The following PYGB variants were observed in gnomAD, a reference collection of about 807,000 sequenced individuals.
PYGB encodes glycogen phosphorylase B.
A neutral mutation model predicts 94.3 loss-of-function variants in PYGB; 82 were observed. The observed-to-expected ratio is 0.87, with a 90% CI of 0.73 to 1.04. The LOEUF (loss-of-function observed/expected upper bound fraction) is 1.04, where lower values mean the gene tolerates loss of function less well. Ranked by LOEUF, PYGB falls within the 50% of genes least tolerant of loss-of-function variation. The pLI is 0.00. For synonymous variants in PYGB, 488 were observed against 479.1 expected, an observed-to-expected ratio of 1.02 and a Z score of -0.24; for missense variants, 1,132 against 1,158.2, an observed-to-expected ratio of 0.98 and a Z score of 0.33.
At chr20:25,279,224 C>A in intron 9 of PYGB, 75 bp downstream of exon 9, 1 of 1,454,286 alleles carries the variant, frequency 6.9e-7, no homozygotes, top group South Asian at 1.2e-5. Context: ...AGGAGCTGAG[C>A]TGGGGGGCCT....
At chr20:25,263,290 C>T (rs1370660248) in intron 2 of PYGB, among the ~76,000 whole-genome samples, 2 of 152,188 alleles carry the variant, frequency 1.3e-5, no homozygotes, top group Admixed American at 1.3e-4. Context: ...TGCAATCAAA[C>T]TAGAACTCAG....
chr20:25,261,319 C>A (rs1451885246), intron 2 of PYGB, among the ~76,000 whole-genome samples: 1 of 152,224 alleles, frequency 6.6e-6, no homozygotes, highest in Non-Finnish European at 1.5e-5. Flanking sequence ...GTTTGCTGTT[C>A]TGCAGTATTC....
chr20:25,271,249 A>G (rs2123549320), intron 3 of PYGB, 134 bp from the exon 4 acceptor site: 1 of 766,060 alleles, frequency 1.3e-6, no homozygotes, highest in East Asian at 2.5e-5. Flanking sequence ...TGAGGGCTCC[A>G]GTTTTCCTCT....
chr20:25,264,635 GACAA>G (rs1284363838), intron 2 of PYGB, among the ~76,000 whole-genome samples: 4 of 152,122 alleles, frequency 2.6e-5, no homozygotes, highest in Admixed American at 6.5e-5. Context: ...CCAATAAACA[GACAA>G]ACAGAGGGCC....
At chr20:25,277,529 C>T (rs1171185596) in intron 7 of PYGB, among the ~76,000 whole-genome samples, 3 of 152,172 alleles carry the variant, frequency 2.0e-5, no homozygotes, top group African/African-American at 7.2e-5. Flanking sequence ...AGCGGCTCTT[C>T]GTGTGCCTCT....
Position 25,276,693 on chromosome 20 carries a change from C to T in PYGB, c.708C>T (p.Asn236=), listed in dbSNP as rs200036828. The T allele has an allele frequency of 5.0e-6, 8 of 1,613,966 alleles. No individual in the cohort carries two copies. Among genetic ancestry groups the T allele is most frequent in the Non-Finnish European group, 6.8e-6 (8 of 1,179,898 alleles). The part of the protein sequence containing the change: ...PYDTPVPGYK[N]NTVNTMRLWS... ...ACACCCCAGTGCCCGGCTACAAGAA[C>T]AACACCGTCAACACCATGCGGCTGT... Residue 236 remains asparagine (N), a synonymous_variant, in exon 6 of 20, where the codon AAC becomes AAT. Transcript: ENST00000216962.
intron 11 of PYGB, among the ~76,000 whole-genome samples, chr20:25,281,412 C>T (rs2088366086): frequency 1.3e-5 from 2 of 152,252 alleles, no homozygotes; most frequent in African/African-American, 4.8e-5. Context: ...CAGTCGGAGG[C>T]TCTGCACCAC....
chr20:25,261,636 CTT>C (rs1319975145), intron 2 of PYGB, among the ~76,000 whole-genome samples: 1 of 152,202 alleles, frequency 6.6e-6, no homozygotes, highest in African/African-American at 2.4e-5. Context: ...CGGAGGATGA[CTT>C]TGATGAGTTG....
chr20:25,290,193 A>C (rs2088453344), intron 15 of PYGB, among the ~76,000 whole-genome samples: 1 of 152,208 alleles, frequency 6.6e-6, no homozygotes, highest in African/African-American at 2.4e-5. Flanking sequence ...GCAGCTCTAG[A>C]AATCCTGGTC....
chr20:25,280,158 G>T, intron 9 of PYGB, 108 bp from the exon 10 acceptor site: 1 of 1,378,074 alleles, frequency 7.3e-7, no homozygotes, highest in East Asian at 2.3e-5. Flanking sequence ...CCCTTCCTGG[G>T]GTACCCAGCA....
At chr20:25,254,841 T>C (rs1006864318) in intron 1 of PYGB, among the ~76,000 whole-genome samples, 3 of 152,196 alleles carry the variant, frequency 2.0e-5, no homozygotes, top group Non-Finnish European at 4.4e-5. Context: ...AGACAGTGAC[T>C]TGTGGCAATG....
At chr20:25,260,613 A>C (rs1370992227) in intron 2 of PYGB, among the ~76,000 whole-genome samples, 1 of 152,060 alleles carries the variant, frequency 6.6e-6, no homozygotes, top group Non-Finnish European at 1.5e-5. Context: ...GGTTCATCTC[A>C]CTGGGGCTTG....
At chr20:25,281,820 C>A (rs2088370005) in intron 11 of PYGB, among the ~76,000 whole-genome samples, 1 of 152,224 alleles carries the variant, frequency 6.6e-6, no homozygotes. Context: ...GCAAACCGCA[C>A]AGCCAGCCAC....
At chr20:25,264,720 G>A (rs936094807) in intron 2 of PYGB, among the ~76,000 whole-genome samples, 2 of 152,130 alleles carry the variant, frequency 1.3e-5, no homozygotes, top group Admixed American at 6.5e-5. Context: ...AACTTACAAG[G>A]GATGTGAAGG....
chr20:25,292,523 CCAA>C lies in PYGB; in HGVS notation c.2089_2091del (p.Asn697del), dbSNP rs1283150761. ...CTCACCATCGGCACCATGGACGGCG[CCAA>C]CGTGGAGATGGCCGAGGAGGCCGGG... is the stretch of plus-strand genomic sequence containing the variant. On this transcript the variant is annotated inframe_deletion, in exon 17 of 20. Coordinates refer to ENST00000216962, the MANE Select transcript of PYGB (RefSeq NM_002862.4). 6.2e-7 allele frequency: 1 copy of C among 1,613,600 alleles called. No homozygotes were observed. The highest frequency in any genetic ancestry group is 1.7e-5 in the Admixed American group (1 of 60,038).
chr20:25,259,176 T>C (rs1165374131), intron 1 of PYGB, 61 bp from the exon 2 acceptor site: 2 of 1,430,190 alleles, frequency 1.4e-6, no homozygotes, highest in South Asian at 2.4e-5. Flanking sequence ...GTGTCATCTC[T>C]GTAACCTTCC....
chr20:25,270,744 C>G (rs553462149), intron 3 of PYGB, among the ~76,000 whole-genome samples: 1 of 152,350 alleles, frequency 6.6e-6, no homozygotes, highest in South Asian at 2.1e-4. Flanking sequence ...ATCCTCCCAC[C>G]TCGGCTTCCC....
At chr20:25,259,543 G>A (rs1003625140) in intron 2 of PYGB, among the ~76,000 whole-genome samples, 1 of 152,212 alleles carries the variant, frequency 6.6e-6, no homozygotes, top group Non-Finnish European at 1.5e-5. Context: ...GAATCGAACG[G>A]ACCGCAAGCG....
At chr20:25,282,341 C>T (rs557088724) in intron 12 of PYGB, among the ~76,000 whole-genome samples, 194 bp downstream of exon 12, 2 of 152,322 alleles carry the variant, frequency 1.3e-5, no homozygotes, top group East Asian at 3.9e-4. Context: ...TTGGGCCTGG[C>T]GGGTCCTGTG....
Sources: allele counts gnomAD v4.1 joint callset (sites outside exome capture counted in the v4.1 genomes callset), GRCh38; gene constraint gnomAD v4.1.1; transcripts MANE v1.5; gene names NCBI Gene and HGNC (gene_info 2026-07-23, HGNC 2026-07-21).